Variants in SEMA4D observed in about 807,000 individuals in gnomAD.
SEMA4D encodes the protein semaphorin-4D.
In SEMA4D, 22 loss-of-function variants were observed where a neutral mutation model predicts 74.8. The ratio of observed to expected loss-of-function variants is 0.29; its 90% CI spans 0.21 to 0.42. SEMA4D has a LOEUF of 0.42. SEMA4D is among the 10% of genes least tolerant of loss of function. The pLI, the probability that SEMA4D is intolerant of heterozygous loss-of-function variation, is 1.00. For missense variants in SEMA4D, 937 were observed against 1,118.4 expected (o/e 0.84, Z 2.31); for synonymous variants, 445 against 463.7 (o/e 0.96, Z 0.52).
intron 1 of SEMA4D, chr9:89,479,464 C>G: frequency 6.2e-6 from 1 of 160,292 alleles, no homozygotes; most frequent in Non-Finnish European, 1.3e-5. Context: ...CTCAAGATCC[C>G]CTCAAAGCCC....
At chr9:89,476,399 T>G (rs1179480594) in intron 1 of SEMA4D, among the ~76,000 whole-genome samples, 1 of 152,234 alleles carries the variant, frequency 6.6e-6, no homozygotes, top group Non-Finnish European at 1.5e-5. Flanking sequence ...ATCATTATTC[T>G]TGATACTTCT....
At chr9:89,367,164 T>C (rs1200498942) in intron 16 of SEMA4D, 2 of 152,612 alleles carry the variant, frequency 1.3e-5, no homozygotes, top group Non-Finnish European at 2.9e-5. Flanking sequence ...TCTTTCTGAA[T>C]GCATGAGAGA....
At chr9:89,481,328 G>C (rs1244178542) in intron 1 of SEMA4D, among the ~76,000 whole-genome samples, 1 of 152,216 alleles carries the variant, frequency 6.6e-6, no homozygotes, top group Non-Finnish European at 1.5e-5. Flanking sequence ...GCTGGTTCAG[G>C]GGCCCCTTCT....
chr9:89,376,904 G>A (rs1224505726), downstream of SEMA4D: 12 of 1,550,754 alleles, frequency 7.7e-6, no homozygotes, highest in South Asian at 5.9e-5. Flanking sequence ...CAGGAAGGGC[G>A]GCAGCAAGGA....
intron 1 of SEMA4D, among the ~76,000 whole-genome samples, chr9:89,495,671 C>G (rs1450402570): frequency 6.6e-6 from 1 of 152,192 alleles, no homozygotes; most frequent in Non-Finnish European, 1.5e-5. Flanking sequence ...GCTCGACAAT[C>G]AGCCGACGGC....
chr9:89,362,259 G>T lies in SEMA4D; in HGVS notation c.*143C>A, dbSNP rs933012251. 2.6e-5 allele frequency: 37 copies of T among 1,405,042 alleles called. No homozygotes were observed. In the African/African-American group the frequency reaches 4.7e-4, roughly 18 times the overall value. The allele number at this position is 1,405,042 out of a possible 1,614,324, so 87.0% of individuals were successfully genotyped here. On this transcript the variant is annotated 3_prime_UTR_variant, in exon 19 of 19. Coordinates refer to the SEMA4D transcript ENST00000339861. ...GTCCCGCCTCTGCCCATCAGGTGGT[G>T]GCCCAATGGCTGTGTTCAGAGCAGG...
At chr9:89,437,952 T>C (rs1850819735) in intron 2 of SEMA4D, among the ~76,000 whole-genome samples, 1 of 152,212 alleles carries the variant, frequency 6.6e-6, no homozygotes, top group Admixed American at 6.5e-5. Context: ...CACAGTGCCA[T>C]CTGGCACCAG....
rs529077875 is a variant in SEMA4D at position 89,421,252 on chromosome 9, G to A, written c.-243-15553C>T. Among the ~76,000 whole-genome samples the A allele has an allele frequency of 1.1e-3, 163 of 152,320 alleles. 2 individuals carry two copies. Among genetic ancestry groups the A allele is most frequent in the Admixed American group, 9.1e-3 (139 of 15,310 alleles). ...GCCCAGAAGCAGGTAAGGAAGTTCC[G>A]GAGGCAGAGAGCAATGGGGGACCTT... is the stretch of plus-strand genomic sequence containing the variant. On this transcript the variant is annotated intron_variant, in intron 2 of 15. Transcript: ENST00000422704.
chr9:89,446,939 C>A (rs1180035665), intron 2 of SEMA4D, among the ~76,000 whole-genome samples: 1 of 152,170 alleles, frequency 6.6e-6, no homozygotes, highest in Admixed American at 6.5e-5. Flanking sequence ...CCAAAGACTG[C>A]AGGAGATAAG....
intron 1 of SEMA4D, among the ~76,000 whole-genome samples, chr9:89,465,321 G>T (rs1280204149): frequency 6.6e-6 from 1 of 152,202 alleles, no homozygotes; most frequent in Non-Finnish European, 1.5e-5. Context: ...GCCCAGGGGT[G>T]ATGGCTGCTA....
At chr9:89,442,510 G>A (rs1851893876) in intron 2 of SEMA4D, among the ~76,000 whole-genome samples, 1 of 152,178 alleles carries the variant, frequency 6.6e-6, no homozygotes, top group Non-Finnish European at 1.5e-5. Context: ...AGCAAGGAGG[G>A]GAGGAGGGGT....
chr9:89,470,907 A>T (rs1309246571), intron 1 of SEMA4D, among the ~76,000 whole-genome samples: 1 of 152,222 alleles, frequency 6.6e-6, no homozygotes. Context: ...CTGAATATAA[A>T]GGGATGGTAT....
At chr9:89,441,832 T>C (rs943000997) in intron 2 of SEMA4D, among the ~76,000 whole-genome samples, 2 of 152,090 alleles carry the variant, frequency 1.3e-5, no homozygotes, top group Non-Finnish European at 2.9e-5. Context: ...CAGCTTCTGA[T>C]CTAAGTGAAA....
At chr9:89,386,700 T>C (rs1336750020) in intron 12 of SEMA4D, 2 of 474,876 alleles carry the variant, frequency 4.2e-6, no homozygotes, top group South Asian at 2.3e-5. Context: ...CCAGTTTTTT[T>C]CCAAGGAAAA....
At chr9:89,467,943 C>G (rs187783599) in intron 1 of SEMA4D, among the ~76,000 whole-genome samples, 386 of 152,346 alleles carry the variant, frequency 2.5e-3, no homozygotes, top group Non-Finnish European at 4.3e-3. Context: ...GCCCCAAGGG[C>G]TCTCCCAGGG....
At chr9:89,401,085 C>T (rs551142401) in intron 4 of SEMA4D, among the ~76,000 whole-genome samples, 9 of 152,242 alleles carry the variant, frequency 5.9e-5, no homozygotes, top group African/African-American at 1.7e-4. Context: ...GACAGGGTCT[C>T]GCTCTGTTGC....
At chr9:89,482,057 A>G (rs1342150683) in intron 1 of SEMA4D, among the ~76,000 whole-genome samples, 1 of 152,198 alleles carries the variant, frequency 6.6e-6, no homozygotes, top group East Asian at 1.9e-4. Context: ...CACCGCCCAG[A>G]CGGGTGAGGG....
intron 2 of SEMA4D, among the ~76,000 whole-genome samples, chr9:89,408,162 A>C (rs1268735003): frequency 6.6e-6 from 1 of 152,266 alleles, no homozygotes; most frequent in Non-Finnish European, 1.5e-5. Context: ...GCTAAATCAT[A>C]TTACTATATA....
At position 89,484,138 on chromosome 9, in the gene SEMA4D, C is replaced by T. The variant is rs767080004; in HGVS notation, c.-310+13781G>A. Among the ~76,000 whole-genome samples the T allele has an allele frequency of 2.0e-4, 30 of 152,244 alleles. No homozygotes were observed. The highest frequency in any genetic ancestry group is 4.1e-4 in the African/African-American group (17 of 41,470). ...CCAGGAACTGGAGCCTTAAAGAGGA[C>T]GCCGCGGCCACCCCGCCCTGCAGGC... On this transcript the variant is annotated intron_variant, in intron 1 of 15. Coordinates refer to ENST00000422704, the MANE Select transcript of SEMA4D (RefSeq NM_001371194.2). The surrounding 1 kb of genome is among the most constrained non-coding windows in gnomAD (Gnocchi z 4.1).
Sources: gnomAD v4.1 joint callset for allele counts (sites outside exome capture counted in the v4.1 genomes callset) on GRCh38, gnomAD v4.1.1 for gene constraint, Gnocchi (gnomAD v3.1) non-coding constraint, MANE v1.5 for transcripts, NCBI Gene and HGNC (gene_info 2026-07-23, HGNC 2026-07-21) for gene names.